Variants in ATRX observed in about 807,000 individuals in gnomAD.
The protein encoded by ATRX is ATRX chromatin remodeler.
In ATRX, 12 loss-of-function variants were observed where a neutral mutation model predicts 172.6. The ratio of observed to expected loss-of-function variants is 0.07; its 90% CI spans 0.04 to 0.11. The LOEUF is 0.11. Ranked by LOEUF, ATRX falls within the 10% of genes least tolerant of loss-of-function variation. The pLI is 1.00. For synonymous variants in ATRX, 674 were observed against 594.7 expected, an observed-to-expected ratio of 1.13 and a Z score of -1.94; for missense variants, 1,368 against 1,767.4, an observed-to-expected ratio of 0.77 and a Z score of 4.05.
chrX:77,778,505 G>A (rs2076439564), intron 1 of ATRX, among the ~76,000 whole-genome samples: 1 of 109,478 alleles, frequency 9.1e-6, no homozygotes, highest in Non-Finnish European at 1.9e-5. Context: ...GGCGGATCAT[G>A]AGGTCAGGAG....
chrX:77,582,973 T>C (rs1212487361), intron 27 of ATRX, among the ~76,000 whole-genome samples: 1 of 112,010 alleles, frequency 8.9e-6, no homozygotes, highest in East Asian at 2.8e-4. Context: ...GAGAACAGAA[T>C]ACTTCCAAAC....
rs973666427 is a variant in ATRX, at chrX:77,685,953, A to G, written c.595-947T>C. ...ATAAGCCAGGCACAGAAAGACAAAC[A>G]CTGCATGTTGTCACTTATAAGTGGG... On this transcript the variant is annotated intron_variant, in intron 7 of 34. Coordinates refer to ENST00000373344, the MANE Select transcript of ATRX (RefSeq NM_000489.6). Among the ~76,000 whole-genome samples, 4 of 112,035 alleles carry G rather than the reference A, an allele frequency of 3.6e-5. No homozygotes were observed. The South Asian group carries it at 1.1e-3, about 31-fold the overall frequency.
chrX:77,667,573 A>T (rs2070330063), intron 10 of ATRX, among the ~76,000 whole-genome samples: 1 of 111,396 alleles, frequency 9.0e-6, no homozygotes, highest in Non-Finnish European at 1.9e-5. Flanking sequence ...TTGGTTGTTA[A>T]TTGTAGGAAA....
intron 1 of ATRX, among the ~76,000 whole-genome samples, chrX:77,766,892 G>A (rs1280947695): frequency 8.9e-6 from 1 of 112,193 alleles, no homozygotes; most frequent in Non-Finnish European, 1.9e-5. Context: ...AGGTTGTAGC[G>A]AGCCGAGATC....
chrX:77,742,056 T>C lies in ATRX; in HGVS notation c.21-24813A>G, dbSNP rs535439087. 9.9e-5 allele frequency among the ~76,000 whole-genome samples: 11 copies of C among 111,309 alleles called. No individual in the cohort carries two copies. In the South Asian group the frequency reaches 4.2e-3, roughly 42 times the overall value. Reference sequence around the variant, plus strand: ...GGATATAGAGTTTTGTTGGGGATGATGAAAAAGTTTTGGGCATAGGTAGTA... The same window carrying C: ...GGATATAGAGTTTTGTTGGGGATGACGAAAAAGTTTTGGGCATAGGTAGTA... On this transcript the variant is annotated intron_variant, in intron 1 of 34. Coordinates refer to ENST00000373344, the MANE Select transcript of ATRX (RefSeq NM_000489.6).
chrX:77,577,155 CT>C (rs1433472094), intron 27 of ATRX, among the ~76,000 whole-genome samples: 5 of 111,438 alleles, frequency 4.5e-5, no homozygotes, highest in Non-Finnish European at 9.4e-5. Context: ...ACTTCTGGAT[CT>C]CATGGTAATA....
intron 28 of ATRX, among the ~76,000 whole-genome samples, chrX:77,566,112 T>C (rs782665351): frequency 9.0e-6 from 1 of 111,239 alleles, no homozygotes; most frequent in East Asian, 2.8e-4. Context: ...AAAGAAATAA[T>C]GACTGAAAAT....
intron 1 of ATRX, among the ~76,000 whole-genome samples, chrX:77,747,035 G>A (rs368095437): frequency 5.4e-4 from 59 of 110,069 alleles, no homozygotes; most frequent in African/African-American, 1.8e-3. Context: ...TCCTAACCTC[G>A]TGATCCACCC....
intron 15 of ATRX, among the ~76,000 whole-genome samples, chrX:77,644,968 G>A (rs1386418031): frequency 2.7e-5 from 3 of 110,958 alleles, no homozygotes; most frequent in Admixed American, 9.6e-5. Flanking sequence ...ACAAACTGTC[G>A]AAGGCCAAAG....
At chrX:77,744,267 T>C (rs909736014) in intron 1 of ATRX, among the ~76,000 whole-genome samples, 2 of 112,227 alleles carry the variant, frequency 1.8e-5, no homozygotes, top group Admixed American at 1.9e-4. Context: ...AAGCAAGCTA[T>C]GAATGTGCCA....
At chrX:77,691,700 T>C (rs1371310478) in intron 6 of ATRX, among the ~76,000 whole-genome samples, 28 of 111,002 alleles carry the variant, frequency 2.5e-4, no homozygotes, top group Non-Finnish European at 9.4e-5. Context: ...TACAAGAAAG[T>C]TTACATTCTT....
intron 30 of ATRX, among the ~76,000 whole-genome samples, chrX:77,555,460 T>C (rs1315351380): frequency 9.0e-6 from 1 of 111,441 alleles, no homozygotes; most frequent in African/African-American, 3.3e-5. Flanking sequence ...CCAACCCAAA[T>C]GCCCATCAAT....
chrX:77,509,915 G>GT (rs2062812252), intron 34 of ATRX, among the ~76,000 whole-genome samples: 1 of 74,984 alleles, frequency 1.3e-5, no homozygotes, highest in Non-Finnish European at 2.5e-5. Context: ...GGGGGGCGGG[G>GT]GGGGGGGGCA....
intron 7 of ATRX, 52 bp downstream of exon 7, chrX:77,688,766 T>G (rs2071722172): frequency 9.8e-7 from 1 of 1,016,355 alleles, no homozygotes; most frequent in East Asian, 3.0e-5. Context: ...GCCTGGTATA[T>G]GGTAAGCATT....
intron 22 of ATRX, among the ~76,000 whole-genome samples, chrX:77,605,206 C>A (rs1438736322): frequency 8.9e-6 from 1 of 111,930 alleles, no homozygotes; most frequent in African/African-American, 3.2e-5. Flanking sequence ...GCAGGTGGAT[C>A]ACCTGAGGTC....
At chrX:77,521,093 C>A in intron 33 of ATRX, 177 bp from the exon 34 acceptor site, 1 of 462,326 alleles carries the variant, frequency 2.2e-6, no homozygotes, top group South Asian at 3.5e-5. Context: ...TGTACCTGGG[C>A]TGGCTATCTC....
chrX:77,568,644 C>T (rs1469854329), intron 28 of ATRX, among the ~76,000 whole-genome samples: 1 of 111,606 alleles, frequency 9.0e-6, no homozygotes, highest in African/African-American at 3.3e-5. Context: ...GATACCAAAA[C>T]CAGACAATGA....
chrX:77,635,126 C>CA (rs1569533557), intron 16 of ATRX, among the ~76,000 whole-genome samples: 1 of 110,598 alleles, frequency 9.0e-6, no homozygotes, highest in Non-Finnish European at 1.9e-5. Flanking sequence ...TACTAAAATA[C>CA]AAAAAATTAG....
intron 1 of ATRX, among the ~76,000 whole-genome samples, chrX:77,724,322 G>A (rs782518730): frequency 9.5e-6 from 1 of 105,608 alleles, no homozygotes; most frequent in Admixed American, 1.0e-4. Context: ...AAGTCCAACA[G>A]TGGAAAAAAA....
Sources: allele counts gnomAD v4.1 joint callset (sites outside exome capture counted in the v4.1 genomes callset), GRCh38; gene constraint gnomAD v4.1.1; transcripts MANE v1.5; gene names NCBI Gene and HGNC (gene_info 2026-07-23, HGNC 2026-07-21).